Variants in RANBP2 observed in about 807,000 individuals in gnomAD.
RANBP2 encodes the protein RAN binding protein 2, also known as E3 SUMO-protein ligase RanBP2.
Under a neutral mutation model 303.6 loss-of-function variants are expected in RANBP2, and 57 were observed. That is an observed-to-expected ratio of 0.19 (90% CI 0.15 to 0.23). The LOEUF is 0.23. Ranked by LOEUF, RANBP2 falls within the 10% of genes least tolerant of loss-of-function variation. RANBP2 has a pLI of 1.00. For synonymous variants in RANBP2, 1,167 were observed against 1,301.5 expected (o/e 0.90, Z 2.23); for missense variants, 3,138 against 3,780.8 (o/e 0.83, Z 4.46).
At chr2:109,049,187 T>C in the RANBP2 span, among the ~76,000 whole-genome samples, 1 of 152,178 alleles carries the variant, frequency 6.6e-6, no homozygotes, top group Non-Finnish European at 1.5e-5. Context: ...CCTGGAGTTG[T>C]TGGAACAGGG....
chr2:109,128,629 ACTG>A, the RANBP2 span: 1 of 160,354 alleles, frequency 6.2e-6, no homozygotes, highest in African/African-American at 2.4e-5. Flanking sequence ...AGGAGTCTGA[ACTG>A]GGAGCGCTCC....
At chr2:108,929,449 T>C in the RANBP2 span, 1 of 1,525,544 alleles carries the variant, frequency 6.6e-7, no homozygotes, top group Non-Finnish European at 9.1e-7. Context: ...CGGCCCACAG[T>C]CCTTGGGCAG....
In RANBP2 at chr2:108,753,172, C is replaced by T. The variant is rs778168058; in HGVS notation, c.1917+13C>T. Reference sequence around the variant, plus strand: ...TGTAGACATTCAGGTAACAGAGTTCCTTTATGAATTTATTGGAGATGGGAA... The same window carrying T: ...TGTAGACATTCAGGTAACAGAGTTCTTTTATGAATTTATTGGAGATGGGAA... On this transcript the variant is annotated intron_variant, in intron 13 of 28. Coordinates refer to ENST00000283195, the MANE Select transcript of RANBP2 (RefSeq NM_006267.5). The T allele has an allele frequency of 6.2e-7, 1 of 1,611,304 alleles. No individual in the cohort carries two copies. Among genetic ancestry groups the T allele is most frequent in the South Asian group, 1.1e-5 (1 of 90,946 alleles).
the RANBP2 span, among the ~76,000 whole-genome samples, chr2:109,084,745 A>G: frequency 6.6e-6 from 1 of 152,190 alleles, no homozygotes; most frequent in Non-Finnish European, 1.5e-5. Context: ...AGAGGCACGC[A>G]GGACCCACCA....
At chr2:109,310,021 A>C in the RANBP2 span, among the ~76,000 whole-genome samples, 1 of 123,484 alleles carries the variant, frequency 8.1e-6, no homozygotes, top group Non-Finnish European at 1.6e-5. Context: ...TCTCCACCCC[A>C]AATCAACAGA....
At chr2:109,554,339 G>C in the RANBP2 span, among the ~76,000 whole-genome samples, 1 of 152,138 alleles carries the variant, frequency 6.6e-6, no homozygotes, top group African/African-American at 2.4e-5. Flanking sequence ...TCCTACATTT[G>C]TGTATCGTAT....
chr2:108,898,029 A>G, the RANBP2 span, among the ~76,000 whole-genome samples: 1 of 152,196 alleles, frequency 6.6e-6, no homozygotes, highest in Non-Finnish European at 1.5e-5. Context: ...GCAACCACAG[A>G]CAAAAACAGC....
At chr2:109,486,071 G>A in the RANBP2 span, among the ~76,000 whole-genome samples, 1 of 152,348 alleles carries the variant, frequency 6.6e-6, no homozygotes, top group East Asian at 1.9e-4. Flanking sequence ...GTCCCTGGCT[G>A]GGGGCACTGA....
chr2:109,512,022 C>T, the RANBP2 span, among the ~76,000 whole-genome samples: 1 of 152,170 alleles, frequency 6.6e-6, no homozygotes, highest in Admixed American at 6.5e-5. Context: ...GAGCTGAGTG[C>T]CAGACCCATC....
chr2:108,870,957 TAA>T, the RANBP2 span, among the ~76,000 whole-genome samples: 205 of 152,316 alleles, frequency 1.3e-3, no homozygotes, highest in African/African-American at 4.5e-3. Flanking sequence ...GTTAAAATGA[TAA>T]GTGTTATGCA....
At chr2:108,963,661 A>C in the RANBP2 span, among the ~76,000 whole-genome samples, 1 of 152,242 alleles carries the variant, frequency 6.6e-6, no homozygotes, top group Non-Finnish European at 1.5e-5. Context: ...TGCAAGAGCC[A>C]GGAGCCCTTT....
chr2:109,285,264 G>A, the RANBP2 span, among the ~76,000 whole-genome samples: 3 of 152,252 alleles, frequency 2.0e-5, no homozygotes, highest in East Asian at 1.9e-4. Context: ...GTGAAGGGCA[G>A]GACAGCTTCC....
intron 1 of RANBP2, among the ~76,000 whole-genome samples, chr2:108,727,706 C>T (rs551912006): frequency 1.3e-4 from 20 of 150,568 alleles, no homozygotes; most frequent in East Asian, 1.2e-3. Flanking sequence ...CGGATTCAAG[C>T]GATTCTTTGC....
chr2:109,727,744 G>A, the RANBP2 span, among the ~76,000 whole-genome samples: 85 of 152,256 alleles, frequency 5.6e-4, no homozygotes, highest in South Asian at 2.7e-3. Flanking sequence ...TGGACTCTTC[G>A]AGGCAGAATA....
the RANBP2 span, among the ~76,000 whole-genome samples, chr2:109,430,021 A>C: frequency 6.6e-6 from 1 of 152,182 alleles, no homozygotes; most frequent in Non-Finnish European, 1.5e-5. Context: ...CACCTTGCCT[A>C]CCAGCCCAGG....
chr2:109,411,431 G>A, the RANBP2 span, among the ~76,000 whole-genome samples: 1 of 152,168 alleles, frequency 6.6e-6, no homozygotes, highest in African/African-American at 2.4e-5. Context: ...TGGGCCTGTG[G>A]CCCCCAGTAG....
the RANBP2 span, among the ~76,000 whole-genome samples, chr2:109,034,270 CAAAAAAAAAA>C: frequency 7.6e-4 from 29 of 38,108 alleles, no homozygotes; most frequent in African/African-American, 3.3e-3. Context: ...GACTCCATCT[CAAAAAAAAAA>C]AAAAAAAAAA....
chr2:109,771,404 T>C, the RANBP2 span, among the ~76,000 whole-genome samples: 1 of 101,590 alleles, frequency 9.8e-6, no homozygotes, highest in Non-Finnish European at 1.8e-5. Context: ...GGCGGCATAC[T>C]GTAGAGCCCA....
chr2:108,764,159 A>T lies in RANBP2; in HGVS notation c.3620A>T (p.Glu1207Val). ...NRAKLFRFDV[E>V]SKEWKERGIG... is the part of the protein sequence containing the mutation. ...GCGAAATTGTTTCGTTTCGATGTAG[A>T]ATCCAAAGAATGGAAAGAACGTGGG... is the stretch of plus-strand genomic sequence containing the variant. Residue 1207 changes from glutamate to valine, a missense_variant, in exon 20 of 29, where the codon GAA (glutamate) becomes GTA (valine). By Grantham distance (121) the Glu-to-Val change is moderately radical (BLOSUM62 -2). This residue lies in a region of RANBP2 where 72 missense variants were observed against 119.5 expected (regional missense o/e 0.60). Coordinates refer to ENST00000283195, the MANE Select transcript of RANBP2 (RefSeq NM_006267.5). 1 of 1,614,138 alleles carries T rather than the reference A, an allele frequency of 6.2e-7. No homozygotes were observed. Among genetic ancestry groups the T allele is most frequent in the Non-Finnish European group, 8.5e-7 (1 of 1,179,990 alleles).
Sources: gnomAD v4.1 joint callset for allele counts (sites outside exome capture counted in the v4.1 genomes callset) on GRCh38, gnomAD v4.1.1 for gene constraint, gnomAD v4.1.1 regional missense constraint, MANE v1.5 for transcripts, NCBI Gene and HGNC (gene_info 2026-07-23, HGNC 2026-07-21) for gene names.